The following STUM variants were observed in gnomAD, a reference collection of about 807,000 sequenced individuals.
STUM encodes the protein stum, mechanosensory transduction mediator homolog, also known as protein stum homolog.
In STUM, 8 loss-of-function variants were observed where a neutral mutation model predicts 15.3. The ratio of observed to expected loss-of-function variants is 0.52; its 90% CI spans 0.31 to 0.94. The LOEUF (loss-of-function observed/expected upper bound fraction) is 0.94, where lower values mean the gene tolerates loss of function less well. STUM is among the 40% of genes least tolerant of loss of function. The probability of loss-of-function intolerance (pLI) is 0.05; values close to 1 mark genes in which losing one functional copy is unlikely to be tolerated. For missense variants in STUM, 142 were observed against 204.9 expected, an observed-to-expected ratio of 0.69 and a Z score of 1.87; for synonymous variants, 78 against 88.7, an observed-to-expected ratio of 0.88 and a Z score of 0.68.
rs909547127 is a variant in STUM at position 226,602,659 on chromosome 1, C to G, written c.*619C>G. On this transcript the variant is annotated 3_prime_UTR_variant, in exon 4 of 4. Transcript: ENST00000366788. The stretch of plus-strand genomic sequence containing the variant: ...TCCTGGGCCTGCCTCCCTGACCGCA[C>G]CCCCCGCCTCCTCGCAGCTGAAATC... The G allele has an allele frequency of 6.6e-6, 1 of 152,464 alleles. No homozygotes were observed. The highest frequency in any genetic ancestry group is 1.5e-5 in the Non-Finnish European group (1 of 68,278). 9.4% of individuals were successfully genotyped at this position (152,464 alleles called of 1,614,324 possible).
At chr1:226,557,972 A>T (rs765184901) in intron 1 of STUM, among the ~76,000 whole-genome samples, 1 of 152,248 alleles carries the variant, frequency 6.6e-6, no homozygotes, top group Non-Finnish European at 1.5e-5. Flanking sequence ...AGTTAGGTGT[A>T]GAAAGGTCGT....
chr1:226,594,085 G>A (rs1355442064), intron 1 of STUM, among the ~76,000 whole-genome samples: 5 of 152,198 alleles, frequency 3.3e-5, no homozygotes, highest in South Asian at 2.1e-4. Flanking sequence ...CAGTGGTTAC[G>A]ATGAGGAGGA....
Position 226,549,140 on chromosome 1 carries a change from C to T in STUM, c.202+34C>T, listed in dbSNP as rs200329939. On this transcript the variant is annotated intron_variant, in intron 1 of 3. Coordinates refer to ENST00000366788, the MANE Select transcript of STUM (RefSeq NM_001003665.4). The surrounding 1 kb of genome is among the most constrained non-coding windows in gnomAD (Gnocchi z 6.8). ...CGGCTGCCGCGACCCTTGCGACCCC[C>T]ACCCCGCCGCGGGAGGGCGTGGGGG... 2 of 1,544,984 alleles carry T rather than the reference C, an allele frequency of 1.3e-6. No homozygotes were observed. Among genetic ancestry groups the T allele is most frequent in the South Asian group, 2.3e-5 (2 of 85,200 alleles).
intron 1 of STUM, among the ~76,000 whole-genome samples, chr1:226,593,356 C>G (rs557750152): frequency 1.3e-5 from 2 of 152,068 alleles, no homozygotes; most frequent in Non-Finnish European, 2.9e-5. Context: ...CAGAGTCAGT[C>G]CTCCCTCTTC....
At chr1:226,583,030 C>T (rs901226046) in intron 1 of STUM, among the ~76,000 whole-genome samples, 4 of 152,228 alleles carry the variant, frequency 2.6e-5, no homozygotes, top group Non-Finnish European at 4.4e-5. Flanking sequence ...TGGCTGCGGC[C>T]ATCCGCATGT....
chr1:226,568,949 GTCCCT>G (rs1558280347), intron 1 of STUM, among the ~76,000 whole-genome samples: 1 of 96,796 alleles, frequency 1.0e-5, no homozygotes, highest in African/African-American at 5.1e-5. Context: ...TCCTTGTAGG[GTCCCT>G]AGCAAGGGGA....
At chr1:226,559,897 C>T (rs559197450) in intron 1 of STUM, among the ~76,000 whole-genome samples, 5 of 149,044 alleles carry the variant, frequency 3.4e-5, no homozygotes, top group East Asian at 2.0e-4. Context: ...GGCGTGAACC[C>T]GGGGGGGCGG....
chr1:226,561,217 C>A (rs1181593280), intron 1 of STUM, among the ~76,000 whole-genome samples: 2 of 152,138 alleles, frequency 1.3e-5, no homozygotes, highest in African/African-American at 4.8e-5. Flanking sequence ...AGGGTAGGGG[C>A]TGTGCTTTAC....
chr1:226,558,076 A>C (rs1667476607), intron 1 of STUM, among the ~76,000 whole-genome samples: 1 of 152,250 alleles, frequency 6.6e-6, no homozygotes, highest in South Asian at 2.1e-4. Flanking sequence ...GATCTGGAAC[A>C]GGACAAGGAT....
At chr1:226,593,407 A>G (rs1200328992) in intron 1 of STUM, among the ~76,000 whole-genome samples, 1 of 151,896 alleles carries the variant, frequency 6.6e-6, no homozygotes, top group Non-Finnish European at 1.5e-5. Context: ...TGCCCCCTGC[A>G]CCATCCTCAC....
rs3738719 is a variant in STUM at position 226,608,816 on chromosome 1, C to A, written c.*6776C>A. On this transcript the variant is annotated 3_prime_UTR_variant, in exon 4 of 4. Transcript: ENST00000366788. The surrounding 1 kb of genome is among the most constrained non-coding windows in gnomAD (Gnocchi z 4.0). ...GCCGGAACCCTGCAGCCTGGGGCCC[C>A]AGCCCGCCTGCAGCTCAGCTTTCCC... 51,158 of 152,026 alleles carry A rather than the reference C, an allele frequency of 0.34. 8,856 individuals are homozygous for A. The highest frequency in any genetic ancestry group is 0.42 in the African/African-American group (17,504 of 41,372). The allele number at this position is 152,026 out of a possible 1,614,324, so 9.4% of individuals were successfully genotyped here.
At chr1:226,574,477 G>A (rs879256233) in intron 1 of STUM, among the ~76,000 whole-genome samples, 5 of 152,156 alleles carry the variant, frequency 3.3e-5, no homozygotes, top group Admixed American at 6.5e-5. Flanking sequence ...GTTGAATGTC[G>A]TTGGCCCGGC....
rs574194221 is a variant in STUM, at chr1:226,552,141, G to A, written c.202+3035G>A. Among the ~76,000 whole-genome samples the A allele has an allele frequency of 6.6e-6, 1 of 152,142 alleles. No individual in the cohort carries two copies. Among genetic ancestry groups the A allele is most frequent in the South Asian group, 2.1e-4 (1 of 4,824 alleles). On this transcript the variant is annotated intron_variant, in intron 1 of 3. Transcript: ENST00000366788. This position sits in a 1 kb window ranked among gnomAD's most constrained non-coding sequence, Gnocchi z 4.7. ...GTCCATCCAGTCTGCAGGACCAGCT[G>A]TGGAGAAGCCCCATCCTTAAAATTC... is the stretch of plus-strand genomic sequence containing the variant.
chr1:226,570,853 T>C (rs1163683828), intron 1 of STUM, among the ~76,000 whole-genome samples: 2 of 152,204 alleles, frequency 1.3e-5, no homozygotes, highest in South Asian at 4.1e-4. Flanking sequence ...ATGGTTTTTT[T>C]AAAAATGCAT....
In STUM at chr1:226,605,432, C is replaced by A; in HGVS notation, c.*3392C>A. ...GTCCACACACTCACTACAGCACTCC[C>A]AGAAGAAGGAGCAGAATCGCATGCA... is the stretch of plus-strand genomic sequence containing the variant. On this transcript the variant is annotated 3_prime_UTR_variant, in exon 4 of 4. Coordinates refer to ENST00000366788, the MANE Select transcript of STUM (RefSeq NM_001003665.4). This position sits in a 1 kb window ranked among gnomAD's most constrained non-coding sequence, Gnocchi z 4.0. 1 of 152,476 alleles carries A rather than the reference C, an allele frequency of 6.6e-6. No individual in the cohort carries two copies. 9.4% of individuals were successfully genotyped at this position (152,476 alleles called of 1,614,324 possible). A position where few individuals can be genotyped will look rare whatever the true frequency, so the allele number is the denominator to read the frequency against.
At chr1:226,587,863 G>C (rs1490983288) in intron 1 of STUM, among the ~76,000 whole-genome samples, 2 of 152,064 alleles carry the variant, frequency 1.3e-5, no homozygotes, top group African/African-American at 2.4e-5. Flanking sequence ...TTGGCCACTG[G>C]GAACTGCCGA....
chr1:226,561,871 G>A (rs1287996721), intron 1 of STUM, among the ~76,000 whole-genome samples: 1 of 152,080 alleles, frequency 6.6e-6, no homozygotes, highest in Non-Finnish European at 1.5e-5. Context: ...CTGAGTGAAC[G>A]CAATTAACAT....
intron 1 of STUM, among the ~76,000 whole-genome samples, chr1:226,550,266 G>A (rs1667351687): frequency 6.6e-6 from 1 of 152,224 alleles, no homozygotes. Flanking sequence ...CAAGGCCACA[G>A]CCACCCACGC....
At chr1:226,594,301 A>G (rs1437184247) in intron 1 of STUM, among the ~76,000 whole-genome samples, 1 of 152,222 alleles carries the variant, frequency 6.6e-6, no homozygotes, top group African/African-American at 2.4e-5. Flanking sequence ...AGAGGAGGAA[A>G]ATAAGGCAGG....
Sources: gnomAD v4.1 joint callset for allele counts (sites outside exome capture counted in the v4.1 genomes callset) on GRCh38, gnomAD v4.1.1 for gene constraint, Gnocchi (gnomAD v3.1) non-coding constraint, MANE v1.5 for transcripts, NCBI Gene and HGNC (gene_info 2026-07-23, HGNC 2026-07-21) for gene names.